Variants in CLOCK observed in about 807,000 individuals in gnomAD.
The protein encoded by CLOCK is circadian locomoter output cycles protein kaput.
Under a neutral mutation model 118.4 loss-of-function variants are expected in CLOCK, and 43 were observed. That is an observed-to-expected ratio of 0.36 (90% CI 0.28 to 0.47). The LOEUF (loss-of-function observed/expected upper bound fraction) is 0.47, where lower values mean the gene tolerates loss of function less well. Among genes scored for constraint, CLOCK ranks in the 20% least tolerant of loss-of-function variants. The pLI is 1.00. For missense variants in CLOCK, 846 were observed against 999.9 expected, an observed-to-expected ratio of 0.85 and a Z score of 2.08; for synonymous variants, 326 against 339.2, an observed-to-expected ratio of 0.96 and a Z score of 0.43.
At chr4:55,472,576 A>T (rs998868129) in intron 7 of CLOCK, among the ~76,000 whole-genome samples, 2 of 152,212 alleles carry the variant, frequency 1.3e-5, no homozygotes, top group Non-Finnish European at 2.9e-5. Context: ...GACCTCTGAT[A>T]GGAACCATGT....
At chr4:55,508,664 C>A (rs1408412093) in intron 2 of CLOCK, among the ~76,000 whole-genome samples, 1 of 151,118 alleles carries the variant, frequency 6.6e-6, no homozygotes. Context: ...ATGATCTCGG[C>A]TCACTGCAAG....
chr4:55,435,467 C>CT lies in CLOCK; in HGVS notation c.2488dup (p.Ser830LysfsTer6). ...GGGCAAGCTGTCAGTCCTGTGCCGG[C>CT]TGAGTTGCTGCTGTTGCTGAGACTG... On this transcript the variant is annotated frameshift_variant, in exon 23 of 23. Transcript: ENST00000513440. LOFTEE classifies it high-confidence loss of function. The CT allele has an allele frequency of 6.2e-7, 1 of 1,614,018 alleles. No homozygotes were observed. The highest frequency in any genetic ancestry group is 8.5e-7 in the Non-Finnish European group (1 of 1,179,946).
At chr4:55,498,620 T>TATTATC (rs1728241384) in intron 2 of CLOCK, among the ~76,000 whole-genome samples, 1 of 151,648 alleles carries the variant, frequency 6.6e-6, no homozygotes, top group African/African-American at 2.4e-5. Context: ...TTATTATTAT[T>TATTATC]ATTATTTTAA....
intron 3 of CLOCK, among the ~76,000 whole-genome samples, chr4:55,487,986 T>C (rs369510180): frequency 1.3e-5 from 2 of 152,214 alleles, no homozygotes; most frequent in Admixed American, 6.5e-5. Context: ...TTGTATTGTT[T>C]GCCATCTCTA....
chr4:55,533,984 A>G (rs1002456270), intron 1 of CLOCK, among the ~76,000 whole-genome samples: 2 of 152,246 alleles, frequency 1.3e-5, no homozygotes, highest in African/African-American at 2.4e-5. Context: ...ACACACTACA[A>G]AACTTTTGCT....
intron 13 of CLOCK, among the ~76,000 whole-genome samples, chr4:55,455,618 G>A (rs189441678): frequency 4.0e-4 from 61 of 152,084 alleles, no homozygotes; most frequent in African/African-American, 1.4e-3. Flanking sequence ...ATTTTCAAAG[G>A]AATCTACTTC....
chr4:55,453,136 A>C lies in CLOCK; in HGVS notation c.1131-7T>G. The C allele has an allele frequency of 6.2e-7, 1 of 1,610,562 alleles. No homozygotes were observed. Among genetic ancestry groups the C allele is most frequent in the Non-Finnish European group, 8.5e-7 (1 of 1,177,040 alleles). On this transcript the variant is annotated splice_polypyrimidine_tract_variant and splice_region_variant and intron_variant, in intron 14 of 22. Transcript: ENST00000513440. ...AGCCCTAACTTCTGCATAACTACAA[A>C]TGGAAAAAATAATCAAATTTTAGTG...
At chr4:55,506,959 T>G (rs138359017) in intron 2 of CLOCK, among the ~76,000 whole-genome samples, 1 of 152,214 alleles carries the variant, frequency 6.6e-6, no homozygotes, top group South Asian at 2.1e-4. Flanking sequence ...CTCTATTAAA[T>G]AGCAATATAC....
intron 8 of CLOCK, among the ~76,000 whole-genome samples, chr4:55,470,156 TTCACTTA>T (rs1245368864): frequency 1.3e-5 from 2 of 152,208 alleles, no homozygotes; most frequent in East Asian, 3.8e-4. Flanking sequence ...GTCCTTCACA[TTCACTTA>T]TCACTCACTC....
chr4:55,537,382 G>C (rs1201458171), intron 1 of CLOCK, among the ~76,000 whole-genome samples: 1 of 152,146 alleles, frequency 6.6e-6, no homozygotes, highest in East Asian at 1.9e-4. Context: ...ACTTTGGGAG[G>C]CTGAGGCAAG....
chr4:55,531,615 G>C (rs1316799522), intron 1 of CLOCK, among the ~76,000 whole-genome samples: 5 of 145,016 alleles, frequency 3.4e-5, no homozygotes, highest in Non-Finnish European at 7.5e-5. Flanking sequence ...TGAGGCAGGA[G>C]AATCGCTTGA....
chr4:55,499,697 G>A (rs1293166588), intron 2 of CLOCK, among the ~76,000 whole-genome samples: 1 of 152,224 alleles, frequency 6.6e-6, no homozygotes, highest in African/African-American at 2.4e-5. Context: ...CGTTCACAAT[G>A]CTGCTTAAAT....
At chr4:55,511,742 C>T (rs538472552) in intron 1 of CLOCK, among the ~76,000 whole-genome samples, 5 of 152,216 alleles carry the variant, frequency 3.3e-5, no homozygotes, top group African/African-American at 9.6e-5. Flanking sequence ...GGCCTAAAAG[C>T]CCTCTGTGCT....
rs776336477 is a variant in CLOCK, at chr4:55,434,696, A to G, written c.*719T>C. ...AAACTTGTGCCCCGGAAAAGTGAAC[A>G]GAACACTACTGTGTTGTAAACAAAA... On this transcript the variant is annotated 3_prime_UTR_variant, in exon 23 of 23. Transcript: ENST00000513440. 1 of 152,744 alleles carries G rather than the reference A, an allele frequency of 6.5e-6. No homozygotes were observed. The highest frequency in any genetic ancestry group is 1.5e-5 in the Non-Finnish European group (1 of 68,128). The allele number at this position is 152,744 out of a possible 1,614,324, so 9.5% of individuals were successfully genotyped here.
chr4:55,521,635 T>C (rs776056397), intron 1 of CLOCK, among the ~76,000 whole-genome samples: 4 of 152,244 alleles, frequency 2.6e-5, no homozygotes, highest in East Asian at 1.9e-4. Flanking sequence ...CCATGAATTA[T>C]TGGCCTTCAC....
At chr4:55,543,897 A>C (rs906992627) in intron 1 of CLOCK, among the ~76,000 whole-genome samples, 7 of 152,344 alleles carry the variant, frequency 4.6e-5, no homozygotes, top group African/African-American at 1.4e-4. Flanking sequence ...CCTACATATC[A>C]AACAGAAATA....
intron 1 of CLOCK, among the ~76,000 whole-genome samples, chr4:55,515,924 G>A (rs1445113671): frequency 6.6e-6 from 1 of 151,856 alleles, no homozygotes. Flanking sequence ...AGTGTAGTGT[G>A]GCAAAAAAAG....
At chr4:55,481,433 T>A (rs1560447795) in intron 4 of CLOCK, among the ~76,000 whole-genome samples, 1 of 152,190 alleles carries the variant, frequency 6.6e-6, no homozygotes, top group African/African-American at 2.4e-5. Context: ...GGGAAAAGCA[T>A]AATGCCAAAT....
chr4:55,514,342 T>G (rs767123647), intron 1 of CLOCK, among the ~76,000 whole-genome samples: 13 of 152,164 alleles, frequency 8.5e-5, no homozygotes, highest in Non-Finnish European at 1.8e-4. Context: ...TAGGCTGTTA[T>G]GTCCCCTTAC....
Sources: gnomAD v4.1 joint callset for allele counts (sites outside exome capture counted in the v4.1 genomes callset) on GRCh38, gnomAD v4.1.1 for gene constraint, MANE v1.5 for transcripts, NCBI Gene and HGNC (gene_info 2026-07-23, HGNC 2026-07-21) for gene names.